The following RELN variants were observed in gnomAD, a reference collection of about 807,000 sequenced individuals.
RELN encodes reelin.
A neutral mutation model predicts 427.6 loss-of-function variants in RELN; 108 were observed. The ratio of observed to expected loss-of-function variants is 0.25; its 90% CI spans 0.22 to 0.30. RELN has a LOEUF of 0.30. RELN is among the 10% of genes least tolerant of loss of function. RELN has a pLI of 1.00. For synonymous variants in RELN, 1,524 were observed against 1,513.4 expected (o/e 1.01, Z -0.16); for missense variants, 3,715 against 4,302.8 (o/e 0.86, Z 3.82).
chr7:103,618,923 T>TAA (rs2117307860), intron 20 of RELN, among the ~76,000 whole-genome samples: 1 of 152,110 alleles, frequency 6.6e-6, no homozygotes, highest in Non-Finnish European at 1.5e-5. Flanking sequence ...CCATCCTGGC[T>TAA]AACATGGTGA....
chr7:103,838,425 A>G (rs1315764228), intron 2 of RELN, among the ~76,000 whole-genome samples: 1 of 152,186 alleles, frequency 6.6e-6, no homozygotes, highest in Non-Finnish European at 1.5e-5. Flanking sequence ...GTTTTGACAT[A>G]TCCAAATGGT....
chr7:103,763,260 G>A (rs1205091147), intron 4 of RELN, among the ~76,000 whole-genome samples: 4 of 152,270 alleles, frequency 2.6e-5, no homozygotes, highest in African/African-American at 9.6e-5. Context: ...GTACAGACTG[G>A]CTGGCAATTA....
chr7:103,971,901 C>G (rs1019255884), intron 1 of RELN, among the ~76,000 whole-genome samples: 1 of 149,032 alleles, frequency 6.7e-6, no homozygotes, highest in African/African-American at 2.4e-5. Flanking sequence ...GGTGAAACCC[C>G]CGTCTCTAGT....
chr7:103,799,539 T>C (rs747034346), intron 3 of RELN, among the ~76,000 whole-genome samples: 5 of 152,222 alleles, frequency 3.3e-5, no homozygotes, highest in Admixed American at 6.5e-5. Context: ...TGTCCAATTA[T>C]GTCTGGGGGA....
intron 46 of RELN, among the ~76,000 whole-genome samples, chr7:103,533,647 G>C (rs928904666): frequency 6.6e-6 from 1 of 152,132 alleles, no homozygotes; most frequent in Non-Finnish European, 1.5e-5. Context: ...TACAGAACAG[G>C]GGGAAATGGA....
intron 50 of RELN, chr7:103,514,118 G>T (rs1056501961): frequency 6.6e-6 from 1 of 152,064 alleles, no homozygotes; most frequent in Non-Finnish European, 1.5e-5. Context: ...GTTGCTAGGG[G>T]CTGAGCTGGG....
intron 34 of RELN, among the ~76,000 whole-genome samples, chr7:103,564,686 T>C (rs914040928): frequency 6.6e-6 from 1 of 152,106 alleles, no homozygotes; most frequent in South Asian, 2.1e-4. Flanking sequence ...GAGGCAAGGA[T>C]CTCGGGGGAG....
chr7:103,658,793 A>T (rs1833075840), intron 12 of RELN, among the ~76,000 whole-genome samples: 1 of 151,682 alleles, frequency 6.6e-6, no homozygotes. Context: ...CTCAGCCCTT[A>T]TCCTGGTTGA....
chr7:103,979,583 G>C (rs7787367), intron 1 of RELN, among the ~76,000 whole-genome samples: 1 of 152,196 alleles, frequency 6.6e-6, no homozygotes, highest in Non-Finnish European at 1.5e-5. Flanking sequence ...TATCCCATTG[G>C]GTTTATATCA....
intron 16 of RELN, among the ~76,000 whole-genome samples, chr7:103,645,239 A>G (rs983676073): frequency 2.6e-5 from 4 of 151,854 alleles, no homozygotes; most frequent in Admixed American, 2.6e-4. Context: ...AAGCAACAAG[A>G]TAACAACTAA....
intron 60 of RELN, among the ~76,000 whole-genome samples, chr7:103,488,354 A>G (rs1828520113): frequency 6.6e-6 from 1 of 152,172 alleles, no homozygotes; most frequent in African/African-American, 2.4e-5. Context: ...AAGGTTCAGG[A>G]GAGAGGGCAA....
At chr7:103,819,861 T>C (rs888955199) in intron 3 of RELN, among the ~76,000 whole-genome samples, 2 of 152,058 alleles carry the variant, frequency 1.3e-5, no homozygotes, top group African/African-American at 2.4e-5. Context: ...AGAGCAGTTA[T>C]TCATGCTCTC....
chr7:103,578,985 A>G (rs1322896491), intron 28 of RELN, among the ~76,000 whole-genome samples: 1 of 152,224 alleles, frequency 6.6e-6, no homozygotes. Context: ...GCTGGTCTTT[A>G]TTCCTTATTC....
chr7:103,767,144 T>G (rs1791444322), intron 4 of RELN, among the ~76,000 whole-genome samples: 1 of 152,260 alleles, frequency 6.6e-6, no homozygotes, highest in African/African-American at 2.4e-5. Context: ...GTGTGCATAC[T>G]GCTGGACCAC....
At chr7:103,874,179 A>G (rs1363531541) in intron 2 of RELN, among the ~76,000 whole-genome samples, 1 of 133,498 alleles carries the variant, frequency 7.5e-6, no homozygotes, top group Non-Finnish European at 1.6e-5. Flanking sequence ...AAAACTCTCA[A>G]TAAATTAGGT....
chr7:103,957,613 CT>C (rs1414010699), intron 1 of RELN, among the ~76,000 whole-genome samples: 17 of 152,172 alleles, frequency 1.1e-4, no homozygotes, highest in Non-Finnish European at 2.4e-4. Flanking sequence ...CACGTGCTCA[CT>C]CACAGTCAAC....
At chr7:103,939,557 CCA>C (rs1554445192) in intron 1 of RELN, among the ~76,000 whole-genome samples, 3 of 152,136 alleles carry the variant, frequency 2.0e-5, no homozygotes, top group Non-Finnish European at 4.4e-5. Context: ...GTTGGTATAA[CCA>C]TTCTTTGTGT....
In RELN at chr7:103,544,831, A is replaced by G. The variant is rs362762; in HGVS notation, c.6523+293T>C. Among the ~76,000 whole-genome samples, 8,588 of 152,244 alleles carry G rather than the reference A, an allele frequency of 0.056. 280 individuals carry two copies. The highest frequency in any genetic ancestry group is 0.15 in the South Asian group (738 of 4,820). ...TCCATCCAAGATTAAGTCTCTATAG[A>G]TATATTCTAAAATTGTCATTAGGCA... On this transcript the variant is annotated intron_variant, in intron 42 of 64. Coordinates refer to ENST00000428762, the MANE Select transcript of RELN (RefSeq NM_005045.4).
At chr7:103,600,260 T>C (rs1831632950) in intron 24 of RELN, among the ~76,000 whole-genome samples, 1 of 152,142 alleles carries the variant, frequency 6.6e-6, no homozygotes, top group South Asian at 2.1e-4. Flanking sequence ...GCCCTTCCTT[T>C]GGGTTACTGC....
Sources: allele counts gnomAD v4.1 joint callset (sites outside exome capture counted in the v4.1 genomes callset), GRCh38; gene constraint gnomAD v4.1.1; transcripts MANE v1.5; gene names NCBI Gene and HGNC (gene_info 2026-07-23, HGNC 2026-07-21).